The following STK10 variants were observed in gnomAD, a reference collection of about 807,000 sequenced individuals.
STK10 encodes serine/threonine kinase 10.
Under a neutral mutation model 113.8 loss-of-function variants are expected in STK10, and 78 were observed. The observed-to-expected ratio is 0.69, with a 90% CI of 0.57 to 0.83. STK10 has a LOEUF of 0.83. Among genes scored for constraint, STK10 ranks in the 40% least tolerant of loss-of-function variants. The pLI is 0.00. For synonymous variants in STK10, 465 were observed against 494.7 expected, an observed-to-expected ratio of 0.94 and a Z score of 0.80; for missense variants, 1,109 against 1,280.1, an observed-to-expected ratio of 0.87 and a Z score of 2.04.
At chr5:172,161,315 T>C (rs1325043158) in intron 1 of STK10, among the ~76,000 whole-genome samples, 1 of 152,038 alleles carries the variant, frequency 6.6e-6, no homozygotes, top group East Asian at 1.9e-4. Context: ...TAGCCAGGCG[T>C]GGTGGTGACC....
At chr5:172,055,520 A>G (rs1767728618) in intron 16 of STK10, 68 bp downstream of exon 16, 2 of 1,320,718 alleles carry the variant, frequency 1.5e-6, no homozygotes, top group East Asian at 5.8e-5. Context: ...TATAAGGCCC[A>G]GGTCCCGCCA....
intron 2 of STK10, among the ~76,000 whole-genome samples, chr5:172,134,368 T>C (rs992517935): frequency 1.3e-5 from 2 of 152,190 alleles, no homozygotes; most frequent in Non-Finnish European, 2.9e-5. Context: ...ACAGAAGCTT[T>C]GGGGATCTTC....
At position 172,051,476 on chromosome 5, in the gene STK10, C is replaced by G. The variant is rs368098682; in HGVS notation, c.2766+1453G>C. The stretch of plus-strand genomic sequence containing the variant: ...CCCGTCTCTACTAAAAATAGAAAAA[C>G]TAGCCAGGCATAGTGGCATGTGCCT... On this transcript the variant is annotated intron_variant, in intron 18 of 18. Transcript: ENST00000176763. Among the ~76,000 whole-genome samples the G allele has an allele frequency of 7.3e-5, 11 of 151,668 alleles. No individual in the cohort carries two copies. The South Asian group carries it at 2.3e-3, about 32-fold the overall frequency.
chr5:172,150,899 A>G (rs1770213071), intron 2 of STK10, among the ~76,000 whole-genome samples: 1 of 152,204 alleles, frequency 6.6e-6, no homozygotes, highest in South Asian at 2.1e-4. Context: ...CTCATCAGGA[A>G]GTCTTAGGGA....
At chr5:172,084,412 AAT>A (rs1384588404) in intron 10 of STK10, among the ~76,000 whole-genome samples, 1 of 150,284 alleles carries the variant, frequency 6.7e-6, no homozygotes, top group East Asian at 1.9e-4. Context: ...AAATAATAAT[AAT>A]AATAATAATA....
intron 1 of STK10, among the ~76,000 whole-genome samples, chr5:172,174,710 A>C (rs1039541854): frequency 5.3e-5 from 8 of 152,132 alleles, no homozygotes; most frequent in Non-Finnish European, 1.5e-5. Flanking sequence ...TGAGGAGGGA[A>C]TCTGAGTTGA....
At chr5:172,145,744 A>C (rs188896592) in intron 2 of STK10, among the ~76,000 whole-genome samples, 9 of 152,322 alleles carry the variant, frequency 5.9e-5, no homozygotes, top group Admixed American at 5.9e-4. Context: ...CTCATCTGTA[A>C]AGTGGGGGTG....
chr5:172,129,417 C>T (rs1011397704), intron 2 of STK10, among the ~76,000 whole-genome samples: 8 of 152,156 alleles, frequency 5.3e-5, no homozygotes, highest in Non-Finnish European at 7.4e-5. Flanking sequence ...TCATCAACAA[C>T]GGGCCTGACC....
chr5:172,150,096 T>G (rs1770186989), intron 2 of STK10, among the ~76,000 whole-genome samples: 1 of 148,348 alleles, frequency 6.7e-6, no homozygotes, highest in Non-Finnish European at 1.5e-5. Flanking sequence ...GGATCCTCCC[T>G]TCCAAGCCCC....
intron 10 of STK10, among the ~76,000 whole-genome samples, chr5:172,085,464 G>A (rs59626435): frequency 0.017 from 2,652 of 152,004 alleles, 82 homozygotes; most frequent in African/African-American, 0.06. Context: ...TGAGGCTGGC[G>A]GATCACTTGA....
chr5:172,182,078 G>A (rs1158796862), intron 1 of STK10, among the ~76,000 whole-genome samples: 4 of 151,942 alleles, frequency 2.6e-5, no homozygotes, highest in African/African-American at 9.7e-5. Flanking sequence ...GCTGAGGCGG[G>A]CGGATCACAA....
chr5:172,153,536 C>T (rs1267036181), intron 2 of STK10, among the ~76,000 whole-genome samples: 1 of 152,194 alleles, frequency 6.6e-6, no homozygotes, highest in Non-Finnish European at 1.5e-5. Context: ...GACCTCCACC[C>T]CACTCGGGGG....
At chr5:172,072,402 G>C (rs577582858) in intron 12 of STK10, among the ~76,000 whole-genome samples, 1 of 152,266 alleles carries the variant, frequency 6.6e-6, no homozygotes, top group East Asian at 1.9e-4. Flanking sequence ...GAGTAGCTGG[G>C]ACTACAGGCG....
At chr5:172,151,739 G>A (rs1002871103) in intron 2 of STK10, among the ~76,000 whole-genome samples, 1 of 152,234 alleles carries the variant, frequency 6.6e-6, no homozygotes, top group African/African-American at 2.4e-5. Context: ...GCTCCATGAG[G>A]ATGAGGACCG....
rs1767404471 is a variant in STK10, at chr5:172,042,693, A to G, written c.*2189T>C. On this transcript the variant is annotated 3_prime_UTR_variant, in exon 19 of 19. Coordinates refer to ENST00000176763, the MANE Select transcript of STK10 (RefSeq NM_005990.4). The stretch of plus-strand genomic sequence containing the variant: ...TTTCCCCAGCACCAATGCACCAAAG[A>G]GAATAAAAGGAGACAATTGTTTCGC... 6.6e-6 allele frequency: 1 copy of G among 152,226 alleles called. No homozygotes were observed. Among genetic ancestry groups the G allele is most frequent in the Non-Finnish European group, 1.5e-5 (1 of 68,054 alleles). 9.4% of individuals were successfully genotyped at this position (152,226 alleles called of 1,614,324 possible).
chr5:172,184,880 C>T (rs1770924869), intron 1 of STK10, among the ~76,000 whole-genome samples: 2 of 151,978 alleles, frequency 1.3e-5, no homozygotes, highest in Non-Finnish European at 2.9e-5. Flanking sequence ...CAGCTGGTCT[C>T]AAACTCCTAA....
chr5:172,185,293 A>G (rs35761717), intron 1 of STK10, among the ~76,000 whole-genome samples: 55,241 of 151,746 alleles, frequency 0.36, 11,820 homozygotes, highest in African/African-American at 0.6. Flanking sequence ...TTTTTGAGAC[A>G]GAGTCTCGCT....
chr5:172,123,779 T>C (rs1005343436), intron 3 of STK10, among the ~76,000 whole-genome samples: 5 of 152,090 alleles, frequency 3.3e-5, no homozygotes, highest in African/African-American at 9.7e-5. Flanking sequence ...TTGTCTACCC[T>C]GCTGCTTGGA....
At chr5:172,065,296 T>C (rs1768045011) in intron 12 of STK10, among the ~76,000 whole-genome samples, 1 of 148,096 alleles carries the variant, frequency 6.8e-6, no homozygotes, top group South Asian at 2.1e-4. Flanking sequence ...AATGCACTTT[T>C]TTTTTTTTTT....
Sources: gnomAD v4.1 joint callset for allele counts (sites outside exome capture counted in the v4.1 genomes callset) on GRCh38, gnomAD v4.1.1 for gene constraint, MANE v1.5 for transcripts, NCBI Gene and HGNC (gene_info 2026-07-23, HGNC 2026-07-21) for gene names.